PLXDC2: variants seen among roughly 807,000 people sequenced by gnomAD.
PLXDC2 encodes plexin domain-containing protein 2.
In PLXDC2, 40 loss-of-function variants were observed where a neutral mutation model predicts 68.9. That is an observed-to-expected ratio of 0.58 (90% CI 0.45 to 0.76). The LOEUF (loss-of-function observed/expected upper bound fraction) is 0.76, where lower values mean the gene tolerates loss of function less well. Among genes scored for constraint, PLXDC2 ranks in the 30% least tolerant of loss-of-function variants. The pLI is 0.00. For synonymous variants in PLXDC2, 243 were observed against 234.2 expected (o/e 1.04, Z -0.34); for missense variants, 644 against 661.9 (o/e 0.97, Z 0.30).
intron 4 of PLXDC2, among the ~76,000 whole-genome samples, chr10:20,120,205 T>A (rs959581553): frequency 8.5e-5 from 13 of 152,144 alleles, no homozygotes; most frequent in Non-Finnish European, 5.9e-5. Flanking sequence ...GTTGGTCTGG[T>A]GTCTGGAATG....
At chr10:20,166,594 A>G (rs1209375125) in intron 7 of PLXDC2, among the ~76,000 whole-genome samples, 1 of 152,148 alleles carries the variant, frequency 6.6e-6, no homozygotes, top group African/African-American at 2.4e-5. Context: ...AGTAAAAAGA[A>G]ACACTAGCTT....
intron 1 of PLXDC2, among the ~76,000 whole-genome samples, chr10:19,873,017 G>T (rs550539928): frequency 2.0e-5 from 3 of 152,224 alleles, no homozygotes; most frequent in Admixed American, 6.5e-5. Flanking sequence ...TGGCACCAAA[G>T]AATTGTTTTG....
intron 4 of PLXDC2, among the ~76,000 whole-genome samples, chr10:20,098,065 T>G (rs566430564): frequency 6.6e-6 from 1 of 151,984 alleles, no homozygotes; most frequent in Admixed American, 6.6e-5. Context: ...ATCAGTTTTA[T>G]TGTTTTATTT....
intron 13 of PLXDC2, among the ~76,000 whole-genome samples, chr10:20,278,210 T>TG (rs1276949548): frequency 5.9e-5 from 9 of 152,178 alleles, no homozygotes; most frequent in Non-Finnish European, 1.0e-4. Context: ...CAACTAGCCT[T>TG]GGAAAGGTGG....
intron 4 of PLXDC2, among the ~76,000 whole-genome samples, chr10:20,080,804 C>T (rs1475030522): frequency 6.6e-6 from 1 of 152,190 alleles, no homozygotes; most frequent in African/African-American, 2.4e-5. Context: ...CCACTGTCCC[C>T]AAAATGTAGA....
rs1376767371 is a variant in PLXDC2 at position 20,020,481 on chromosome 10, T to C, written c.324+18495T>C. Reference sequence around the variant, plus strand: ...AGACTATACAGTTTCTCTTTCTTCATTCATATGGACTCCTTCTGGTTATGG... The same window carrying C: ...AGACTATACAGTTTCTCTTTCTTCACTCATATGGACTCCTTCTGGTTATGG... On this transcript the variant is annotated intron_variant, in intron 2 of 13. Transcript: ENST00000377252. 3.3e-5 allele frequency among the ~76,000 whole-genome samples: 5 copies of C among 152,038 alleles called. No individual in the cohort carries two copies. In the East Asian group the frequency reaches 9.6e-4, roughly 29 times the overall value.
chr10:19,914,763 C>T (rs186831882), intron 1 of PLXDC2, among the ~76,000 whole-genome samples: 1 of 152,120 alleles, frequency 6.6e-6, no homozygotes, highest in African/African-American at 2.4e-5. Flanking sequence ...CACACAAGTA[C>T]AATAGTCAAA....
intron 13 of PLXDC2, among the ~76,000 whole-genome samples, chr10:20,270,625 A>G (rs561753943): frequency 6.6e-6 from 1 of 151,952 alleles, no homozygotes; most frequent in Admixed American, 6.6e-5. Flanking sequence ...GCTCACTGCA[A>G]TCTCCGCCTG....
In PLXDC2 at chr10:19,957,597, T is replaced by A. The variant is rs1204494177; in HGVS notation, c.113-44178T>A. On this transcript the variant is annotated intron_variant, in intron 1 of 13. Transcript: ENST00000377252. Reference sequence around the variant, plus strand: ...AATGTTGCATTAAATTAATGCATCATAATATATGTCACCTGGCTCCTCATG... The same window carrying A: ...AATGTTGCATTAAATTAATGCATCAAAATATATGTCACCTGGCTCCTCATG... Among the ~76,000 whole-genome samples the A allele has an allele frequency of 2.6e-5, 4 of 152,178 alleles. No individual in the cohort carries two copies. The East Asian group carries it at 7.7e-4, about 29-fold the overall frequency.
chr10:20,039,321 A>C (rs1023554977), intron 2 of PLXDC2, among the ~76,000 whole-genome samples: 1 of 152,194 alleles, frequency 6.6e-6, no homozygotes, highest in Non-Finnish European at 1.5e-5. Flanking sequence ...TTCAAAATTT[A>C]GTGGAGATGT....
At chr10:19,862,437 CA>C (rs1837335488) in intron 1 of PLXDC2, among the ~76,000 whole-genome samples, 2 of 152,122 alleles carry the variant, frequency 1.3e-5, no homozygotes, top group African/African-American at 4.8e-5. Flanking sequence ...CTCTTTCAGG[CA>C]GTGGAATTTC....
intron 1 of PLXDC2, among the ~76,000 whole-genome samples, chr10:19,896,584 C>G (rs2131364081): frequency 6.6e-6 from 1 of 152,312 alleles, no homozygotes; most frequent in Non-Finnish European, 1.5e-5. Flanking sequence ...AAACTCCTGT[C>G]ACTCACTTTG....
At chr10:19,994,842 G>C (rs992526909) in intron 1 of PLXDC2, among the ~76,000 whole-genome samples, 1 of 151,280 alleles carries the variant, frequency 6.6e-6, no homozygotes, top group Non-Finnish European at 1.5e-5. Context: ...TCCCGTGTTC[G>C]AGTAATTCTC....
At chr10:20,104,618 A>G (rs1161178315) in intron 4 of PLXDC2, among the ~76,000 whole-genome samples, 1 of 152,238 alleles carries the variant, frequency 6.6e-6, no homozygotes, top group Non-Finnish European at 1.5e-5. Context: ...TAGTTTACAT[A>G]AATGTCCTAT....
intron 9 of PLXDC2, among the ~76,000 whole-genome samples, chr10:20,180,363 G>A (rs781582339): frequency 9.9e-5 from 15 of 151,880 alleles, no homozygotes; most frequent in Admixed American, 5.3e-4. Context: ...TTAATTAATC[G>A]GTTTAACTAT....
At chr10:19,840,550 T>C (rs1252060998) in intron 1 of PLXDC2, among the ~76,000 whole-genome samples, 1 of 152,156 alleles carries the variant, frequency 6.6e-6, no homozygotes, top group Non-Finnish European at 1.5e-5. Flanking sequence ...CAAGACAGAG[T>C]ACATTGAATA....
At chr10:20,083,408 C>A (rs1023320651) in intron 4 of PLXDC2, among the ~76,000 whole-genome samples, 1 of 145,890 alleles carries the variant, frequency 6.9e-6, no homozygotes, top group Non-Finnish European at 1.5e-5. Flanking sequence ...ACCCGGGAGG[C>A]GGAGCTTGCA....
intron 6 of PLXDC2, among the ~76,000 whole-genome samples, chr10:20,158,501 C>CAAAAAAAAAAAAAA (rs59079629): frequency 4.8e-4 from 57 of 118,730 alleles, no homozygotes; most frequent in African/African-American, 1.5e-3. Flanking sequence ...TCTGTCTCTG[C>CAAAAAAAAAAAAAA]AAAAAAAAAA....
At chr10:20,002,260 C>CTTTT (rs34210865) in intron 2 of PLXDC2, among the ~76,000 whole-genome samples, 3 of 138,450 alleles carry the variant, frequency 2.2e-5, no homozygotes, top group Admixed American at 7.3e-5. Flanking sequence ...TGTGTAAGAG[C>CTTTT]TTTTTTTTTT....
Sources: allele counts gnomAD v4.1 joint callset (sites outside exome capture counted in the v4.1 genomes callset), GRCh38; gene constraint gnomAD v4.1.1; transcripts MANE v1.5; gene names NCBI Gene and HGNC (gene_info 2026-07-23, HGNC 2026-07-21).